The following STARD13 variants were observed in gnomAD, a reference collection of about 807,000 sequenced individuals.
STARD13 encodes the protein StAR related lipid transfer domain containing 13, also known as stAR-related lipid transfer protein 13.
STARD13 carries 62 observed loss-of-function variants against 106.4 expected under a neutral mutation model. The ratio of observed to expected loss-of-function variants is 0.58; its 90% CI spans 0.48 to 0.72. The LOEUF (loss-of-function observed/expected upper bound fraction) is 0.72. Ranked by LOEUF, STARD13 falls within the 30% of genes least tolerant of loss-of-function variation. The pLI, the probability that STARD13 is intolerant of heterozygous loss-of-function variation, is 0.00. For missense variants in STARD13, 1,387 were observed against 1,424.0 expected (o/e 0.97, Z 0.42); for synonymous variants, 565 against 553.0 (o/e 1.02, Z -0.31).
the STARD13 span, among the ~76,000 whole-genome samples, chr13:33,537,372 A>C: frequency 6.6e-6 from 1 of 152,252 alleles, no homozygotes; most frequent in Non-Finnish European, 1.5e-5. Flanking sequence ...AACTGTTTGT[A>C]TAAATAATTT....
At chr13:33,573,723 A>G in the STARD13 span, among the ~76,000 whole-genome samples, 1 of 152,170 alleles carries the variant, frequency 6.6e-6, no homozygotes, top group African/African-American at 2.4e-5. Flanking sequence ...AATAATGTTA[A>G]ATTTTATAAA....
At chr13:33,339,552 C>T (rs2077935856) in intron 1 of STARD13, among the ~76,000 whole-genome samples, 1 of 152,182 alleles carries the variant, frequency 6.6e-6, no homozygotes, top group Admixed American at 6.5e-5. Flanking sequence ...CCCTTTCCCA[C>T]CTTTATGGTG....
At chr13:33,513,476 T>C in the STARD13 span, among the ~76,000 whole-genome samples, 1 of 152,200 alleles carries the variant, frequency 6.6e-6, no homozygotes, top group Non-Finnish European at 1.5e-5. Flanking sequence ...CTGACTTCCA[T>C]GAACCTCAAC....
At chr13:33,202,196 A>G (rs891456726) in intron 1 of STARD13, among the ~76,000 whole-genome samples, 1 of 152,220 alleles carries the variant, frequency 6.6e-6, no homozygotes, top group Admixed American at 6.5e-5. Context: ...GATAGTTTTA[A>G]TGTTTAGTTA....
chr13:33,319,767 C>A lies in STARD13; in HGVS notation c.124+30523G>T, dbSNP rs112600962. Among the ~76,000 whole-genome samples the A allele has an allele frequency of 4.8e-3, 733 of 152,214 alleles. 5 individuals carry two copies. The highest frequency in any genetic ancestry group is 0.017 in the African/African-American group (689 of 41,506). On this transcript the variant is annotated intron_variant, in intron 1 of 5. Transcript: ENST00000567873. ...GGACTCATAGATTATCTCTAAGGCA[C>A]CTTTAGTTTCATAGCTCAATATTTA...
the STARD13 span, among the ~76,000 whole-genome samples, chr13:33,490,900 G>T: frequency 6.6e-6 from 1 of 152,184 alleles, no homozygotes; most frequent in Non-Finnish European, 1.5e-5. Flanking sequence ...TTACCATGGG[G>T]CCAGAGCCCA....
intron 1 of STARD13, among the ~76,000 whole-genome samples, chr13:33,323,541 G>A (rs1198404306): frequency 6.6e-6 from 1 of 152,128 alleles, no homozygotes; most frequent in Non-Finnish European, 1.5e-5. Flanking sequence ...TGAATTCCCA[G>A]CACCCAGCAA....
At chr13:33,519,208 T>TTTTCTTTCTTTCTTTC in the STARD13 span, among the ~76,000 whole-genome samples, 51 of 101,586 alleles carry the variant, frequency 5.0e-4, 2 homozygotes, top group Admixed American at 7.7e-4. Context: ...CTTGGTAATT[T>TTTTCTTTCTTTCTTTC]TTTCTTTCTT....
At chr13:33,649,547 T>A in the STARD13 span, among the ~76,000 whole-genome samples, 3 of 152,220 alleles carry the variant, frequency 2.0e-5, no homozygotes, top group African/African-American at 7.2e-5. Flanking sequence ...CATAAAGGGA[T>A]CTTGTCAGCA....
the STARD13 span, among the ~76,000 whole-genome samples, chr13:33,413,005 C>T: frequency 6.6e-6 from 1 of 152,090 alleles, no homozygotes; most frequent in Admixed American, 6.5e-5. Flanking sequence ...CAGAATAGAC[C>T]TCATCATGGG....
At chr13:33,423,151 C>T in the STARD13 span, among the ~76,000 whole-genome samples, 1 of 152,178 alleles carries the variant, frequency 6.6e-6, no homozygotes, top group Non-Finnish European at 1.5e-5. Flanking sequence ...TCAGAGTGAA[C>T]AGGCAACCTA....
At chr13:33,199,163 CA>C (rs1886840950) in intron 1 of STARD13, among the ~76,000 whole-genome samples, 1 of 152,234 alleles carries the variant, frequency 6.6e-6, no homozygotes, top group African/African-American at 2.4e-5. Context: ...CATTTCATAT[CA>C]TGCATAAAGC....
At chr13:33,442,010 CA>C in the STARD13 span, among the ~76,000 whole-genome samples, 1 of 152,208 alleles carries the variant, frequency 6.6e-6, no homozygotes, top group Admixed American at 6.5e-5. Flanking sequence ...AAACTAATAT[CA>C]GTGGTTCTGA....
chr13:33,404,846 C>A, the STARD13 span, among the ~76,000 whole-genome samples: 1 of 150,716 alleles, frequency 6.6e-6, no homozygotes. Flanking sequence ...GCATGGTCTC[C>A]GCTCACTGCA....
chr13:33,127,191 A>T (rs1022570538), intron 6 of STARD13, among the ~76,000 whole-genome samples, 182 bp downstream of exon 6: 1 of 152,252 alleles, frequency 6.6e-6, no homozygotes, highest in African/African-American at 2.4e-5. Flanking sequence ...AAATAGAGCA[A>T]TGTTTCCTGT....
At chr13:33,244,912 G>A (rs531006984) in intron 1 of STARD13, among the ~76,000 whole-genome samples, 1 of 152,078 alleles carries the variant, frequency 6.6e-6, no homozygotes, top group South Asian at 2.1e-4. Flanking sequence ...ATTTGAATTC[G>A]GTTGTCATGT....
At chr13:33,470,838 G>A in the STARD13 span, among the ~76,000 whole-genome samples, 1 of 152,056 alleles carries the variant, frequency 6.6e-6, no homozygotes, top group Non-Finnish European at 1.5e-5. Context: ...TTTGTCGGAT[G>A]GATAGATTGC....
At chr13:33,667,650 T>C in the STARD13 span, among the ~76,000 whole-genome samples, 2 of 152,336 alleles carry the variant, frequency 1.3e-5, no homozygotes. Context: ...ACACTGTCAA[T>C]TAAACTACCA....
chr13:33,205,987 G>A, intron 1 of STARD13: 1 of 985,318 alleles, frequency 1.0e-6, no homozygotes, highest in South Asian at 4.7e-5. Context: ...TTTCCTCTGT[G>A]CTTGGCTGTT....
Sources: allele counts gnomAD v4.1 joint callset (sites outside exome capture counted in the v4.1 genomes callset), GRCh38; gene constraint gnomAD v4.1.1; transcripts MANE v1.5; gene names NCBI Gene and HGNC (gene_info 2026-07-23, HGNC 2026-07-21).